SWAP70: variants seen among roughly 807,000 people sequenced by gnomAD.
SWAP70 encodes switching B cell complex subunit SWAP70.
A neutral mutation model predicts 80.2 loss-of-function variants in SWAP70; 34 were observed. The observed-to-expected ratio is 0.42, with a 90% CI of 0.32 to 0.56. The LOEUF is 0.56. Ranked by LOEUF, SWAP70 falls within the 20% of genes least tolerant of loss-of-function variation. SWAP70 has a pLI of 0.09. For missense variants in SWAP70, 578 were observed against 690.7 expected, an observed-to-expected ratio of 0.84 and a Z score of 1.83; for synonymous variants, 239 against 238.5, an observed-to-expected ratio of 1.00 and a Z score of -0.02.
intron 3 of SWAP70, among the ~76,000 whole-genome samples, chr11:9,719,354 A>G (rs1216039878): frequency 6.6e-6 from 1 of 152,074 alleles, no homozygotes; most frequent in Non-Finnish European, 1.5e-5. Context: ...AGCCTGGGTG[A>G]CAGAATGAGA....
chr11:9,738,079 T>G lies in SWAP70; in HGVS notation c.1081-134T>G, dbSNP rs79089792. 5.1e-3 allele frequency: 2,598 copies of G among 505,218 alleles called. 53 individuals carry two copies. The highest frequency in any genetic ancestry group is 0.042 in the African/African-American group (2,144 of 50,558). The allele number at this position is 505,218 out of a possible 1,614,324, so 31.3% of individuals were successfully genotyped here. ...ACTGGAATTCTAATGGAGCTAAAAG[T>G]TTTTATTCTATTATCTTTATTGAAT... On this transcript the variant is annotated intron_variant, in intron 7 of 11. Coordinates refer to ENST00000318950, the MANE Select transcript of SWAP70 (RefSeq NM_015055.4).
Position 9,702,371 on chromosome 11 carries a change from T to C in SWAP70, c.240+8085T>C, listed in dbSNP as rs1220719369. ...TCTTTAGCCTGTGTTATTTTTTCGT[T>C]CATTGTTTTTTGAAAGTTACATAGT... On this transcript the variant is annotated intron_variant, in intron 2 of 11. Coordinates refer to ENST00000318950, the MANE Select transcript of SWAP70 (RefSeq NM_015055.4). Among the ~76,000 whole-genome samples, 4 of 147,610 alleles carry C rather than the reference T, an allele frequency of 2.7e-5. No homozygotes were observed. In the East Asian group the frequency reaches 8.0e-4, roughly 29 times the overall value.
chr11:9,698,100 G>GTTTTTTTT (rs1255294896), intron 2 of SWAP70, among the ~76,000 whole-genome samples: 2 of 116,290 alleles, frequency 1.7e-5, no homozygotes, highest in Non-Finnish European at 1.6e-5. Context: ...CATGTTTTTT[G>GTTTTTTTT]TTTTTTTTTT....
intron 11 of SWAP70, among the ~76,000 whole-genome samples, chr11:9,749,448 G>T (rs546138447): frequency 6.6e-6 from 1 of 151,980 alleles, no homozygotes; most frequent in Non-Finnish European, 1.5e-5. Context: ...GGGTTTCACC[G>T]TGTTAACCAG....
chr11:9,671,808 A>G (rs1313488246), intron 1 of SWAP70, among the ~76,000 whole-genome samples: 2 of 99,948 alleles, frequency 2.0e-5, no homozygotes, highest in Non-Finnish European at 1.8e-5. Flanking sequence ...ATATATAAAT[A>G]TAAATATATA....
rs537888496 is a variant in SWAP70, at chr11:9,717,404, C to T, written c.414+3765C>T. 5.9e-5 allele frequency among the ~76,000 whole-genome samples: 9 copies of T among 152,166 alleles called. No homozygotes were observed. The South Asian group carries it at 1.7e-3, about 28-fold the overall frequency. On this transcript the variant is annotated intron_variant, in intron 3 of 11. Coordinates refer to ENST00000318950, the MANE Select transcript of SWAP70 (RefSeq NM_015055.4). ...ATCCCAGCACTTTGGGAGGCTGAGG[C>T]GGGCAGATCGCTTGAGCTCATGAGT...
At chr11:9,672,456 C>A (rs573856478) in intron 1 of SWAP70, among the ~76,000 whole-genome samples, 1 of 151,090 alleles carries the variant, frequency 6.6e-6, no homozygotes, top group Admixed American at 6.6e-5. Context: ...CCATGACCTC[C>A]ATGCTGAAGT....
intron 1 of SWAP70, among the ~76,000 whole-genome samples, chr11:9,686,755 G>C (rs1204229369): frequency 6.6e-6 from 1 of 152,154 alleles, no homozygotes; most frequent in Non-Finnish European, 1.5e-5. Flanking sequence ...TTGTGTTGAT[G>C]CATCATGCTT....
At chr11:9,743,693 G>A (rs1481958948) in intron 9 of SWAP70, among the ~76,000 whole-genome samples, 3 of 151,784 alleles carry the variant, frequency 2.0e-5, no homozygotes, top group East Asian at 1.9e-4. Context: ...CTGCATAAAT[G>A]TCTTCTTTTG....
intron 1 of SWAP70, among the ~76,000 whole-genome samples, chr11:9,689,486 C>T (rs1850670177): frequency 6.6e-6 from 1 of 152,192 alleles, no homozygotes; most frequent in Non-Finnish European, 1.5e-5. Flanking sequence ...TTCAGATCAG[C>T]AGAATGAGAG....
intron 1 of SWAP70, among the ~76,000 whole-genome samples, chr11:9,671,667 T>TATATAAATAGAA (rs1175406963): frequency 0.016 from 446 of 28,724 alleles, 26 homozygotes; most frequent in Non-Finnish European, 0.019. Flanking sequence ...TCTATATAAA[T>TATATAAATAGAA]ATATATAAAT....
At chr11:9,674,183 G>GA in intron 1 of SWAP70, among the ~76,000 whole-genome samples, 1 of 152,284 alleles carries the variant, frequency 6.6e-6, no homozygotes, top group South Asian at 2.1e-4. Context: ...TTACAGGTGT[G>GA]AGCCACTGCA....
In SWAP70 at chr11:9,749,935, G is replaced by A; in HGVS notation, c.1723G>A (p.Glu575Lys). The A allele has an allele frequency of 6.2e-7, 1 of 1,613,988 alleles. No individual in the cohort carries two copies. The highest frequency in any genetic ancestry group is 8.5e-7 in the Non-Finnish European group (1 of 1,179,880). Residue 575 changes from glutamate to lysine, a missense_variant, in exon 12 of 12, where the codon GAG becomes AAG. By Grantham distance (56) the Glu-to-Lys change is moderately conservative. Coordinates refer to ENST00000318950, the MANE Select transcript of SWAP70 (RefSeq NM_015055.4). ...CACTGAGGCAGAACTTGAAGAGAGA[G>A]AGAAGAACTGGAAAGAGAAAAAGAC... ...AFTEAELEER[E>K]KNWKEKKTTE
At chr11:9,729,501 T>A (rs1554892481) in intron 6 of SWAP70, 50 bp downstream of exon 6, 2 of 1,388,826 alleles carry the variant, frequency 1.4e-6, no homozygotes, top group South Asian at 2.4e-5. Flanking sequence ...AAGCTCTGAC[T>A]TTCTTTTTTT....
chr11:9,709,567 T>A (rs1850968315), intron 2 of SWAP70, among the ~76,000 whole-genome samples: 1 of 152,174 alleles, frequency 6.6e-6, no homozygotes, highest in East Asian at 1.9e-4. Flanking sequence ...CTTTGTCACC[T>A]AGGCTGGCAT....
Position 9,732,598 on chromosome 11 carries a change from G to A in SWAP70, c.968G>A (p.Arg323Gln). Residue 323 changes from arginine to glutamine, a missense_variant, in exon 7 of 12, where the codon CGG (arginine) becomes CAG (glutamine). Physicochemically the swap from Arg to Gln is conservative, Grantham distance 43. Coordinates refer to ENST00000318950, the MANE Select transcript of SWAP70 (RefSeq NM_015055.4). The part of the protein sequence containing the change: ...PPPHKEARQR[R>Q]KELRKKQLAE... Reference sequence around the variant, plus strand: ...CCACACAAAGAAGCCCGCCAGCGTCGGAAAGAACTCCGGAAGAAGCAGCTG... The same window carrying A: ...CCACACAAAGAAGCCCGCCAGCGTCAGAAAGAACTCCGGAAGAAGCAGCTG... 1.9e-6 allele frequency: 3 copies of A among 1,601,680 alleles called. No individual in the cohort carries two copies. Among genetic ancestry groups the A allele is most frequent in the Non-Finnish European group, 2.6e-6 (3 of 1,172,926 alleles).
At chr11:9,687,518 T>C (rs1424583445) in intron 1 of SWAP70, among the ~76,000 whole-genome samples, 1 of 152,180 alleles carries the variant, frequency 6.6e-6, no homozygotes, top group Non-Finnish European at 1.5e-5. Context: ...ATATAAGCAT[T>C]TTTCTGTGGT....
intron 1 of SWAP70, among the ~76,000 whole-genome samples, chr11:9,668,283 A>G (rs1850333546): frequency 6.6e-6 from 1 of 152,188 alleles, no homozygotes; most frequent in Admixed American, 6.5e-5. Context: ...ATGATACTTT[A>G]TTCAAAATTG....
At chr11:9,714,248 A>G (rs1444413662) in intron 3 of SWAP70, among the ~76,000 whole-genome samples, 3 of 151,094 alleles carry the variant, frequency 2.0e-5, no homozygotes, top group African/African-American at 7.3e-5. Context: ...AATATACACA[A>G]TTAAAATCAG....
Sources: allele counts gnomAD v4.1 joint callset (sites outside exome capture counted in the v4.1 genomes callset), GRCh38; gene constraint gnomAD v4.1.1; transcripts MANE v1.5; gene names NCBI Gene and HGNC (gene_info 2026-07-23, HGNC 2026-07-21).